Variants in CAST observed in about 807,000 individuals in gnomAD.
The protein encoded by CAST is MIR583 host.
Under a neutral mutation model 119.6 loss-of-function variants are expected in CAST, and 76 were observed. The ratio of observed to expected loss-of-function variants is 0.64; its 90% CI spans 0.53 to 0.77. The LOEUF is 0.77. Among genes scored for constraint, CAST ranks in the 30% least tolerant of loss-of-function variants. CAST has a pLI of 0.00. For synonymous variants in CAST, 319 were observed against 331.6 expected (o/e 0.96, Z 0.41); for missense variants, 953 against 946.5 (o/e 1.01, Z -0.09).
chr5:96,097,323 C>T, the CAST span, among the ~76,000 whole-genome samples: 1 of 144,042 alleles, frequency 6.9e-6, no homozygotes, highest in Non-Finnish European at 1.5e-5. Context: ...AGGATGAGCT[C>T]AAAGTCTTTT....
chr5:96,247,477 C>T, the CAST span, among the ~76,000 whole-genome samples: 6 of 152,262 alleles, frequency 3.9e-5, no homozygotes, highest in Non-Finnish European at 5.9e-5. Context: ...TAGCACCAAA[C>T]TTGGAGTGAG....
At chr5:96,422,883 G>C in the CAST span, among the ~76,000 whole-genome samples, 2 of 148,914 alleles carry the variant, frequency 1.3e-5, no homozygotes, top group Non-Finnish European at 2.9e-5. Context: ...ATTCACTTTG[G>C]ATTTGCATGG....
chr5:96,491,487 T>A, the CAST span, among the ~76,000 whole-genome samples: 160 of 13,132 alleles, frequency 0.012, 4 homozygotes, highest in Non-Finnish European at 0.023. Flanking sequence ...CGAGACTCCA[T>A]CTCAAAAAAA....
chr5:96,423,533 C>T, the CAST span: 1 of 1,311,314 alleles, frequency 7.6e-7, no homozygotes, highest in South Asian at 1.2e-5. Flanking sequence ...TCAGTTCCAA[C>T]CTGGAGACCC....
intron 3 of CAST, among the ~76,000 whole-genome samples, chr5:96,702,177 T>C (rs1753987678): frequency 6.6e-6 from 1 of 152,186 alleles, no homozygotes; most frequent in African/African-American, 2.4e-5. Context: ...CGGCTTTTCA[T>C]TTATTTTAAA....
chr5:96,181,335 G>C, the CAST span, among the ~76,000 whole-genome samples: 2 of 152,168 alleles, frequency 1.3e-5, no homozygotes, highest in South Asian at 4.1e-4. Context: ...GTCAAATCCT[G>C]GGGAGATTCC....
At chr5:96,488,064 TATC>T in the CAST span, among the ~76,000 whole-genome samples, 4 of 152,196 alleles carry the variant, frequency 2.6e-5, no homozygotes, top group South Asian at 2.1e-4. Context: ...TGGCTAAAAA[TATC>T]ATCTGTTACT....
chr5:96,141,994 A>G, the CAST span, among the ~76,000 whole-genome samples: 1 of 152,256 alleles, frequency 6.6e-6, no homozygotes, highest in African/African-American at 2.4e-5. Flanking sequence ...CTGTGGTTAC[A>G]AGTTCATTCC....
chr5:96,669,035 G>T lies in CAST; in HGVS notation c.76-6504G>T, dbSNP rs1028134051. 2.0e-5 allele frequency among the ~76,000 whole-genome samples: 3 copies of T among 152,190 alleles called. No homozygotes were observed. The South Asian group carries it at 6.2e-4, about 32-fold the overall frequency. On this transcript the variant is annotated intron_variant, in intron 1 of 31. Transcript: ENST00000675179. ...CCACCACCTCTAGTCTCCTGGCAGCGCCTGCTGTTGGCTAAACCCAACTTG... is the reference window on the plus strand; with the variant it reads ...CCACCACCTCTAGTCTCCTGGCAGCTCCTGCTGTTGGCTAAACCCAACTTG...
the CAST span, among the ~76,000 whole-genome samples, chr5:96,051,146 A>AG: frequency 6.6e-6 from 1 of 152,082 alleles, no homozygotes; most frequent in Non-Finnish European, 1.5e-5. Context: ...CTGCTTGGTA[A>AG]GGGGAAATAA....
intron 3 of CAST, among the ~76,000 whole-genome samples, chr5:96,717,990 G>A (rs1305974803): frequency 6.6e-6 from 1 of 152,182 alleles, no homozygotes; most frequent in East Asian, 1.9e-4. Context: ...CCAGGTATGG[G>A]TGATAGGTGA....
the CAST span, among the ~76,000 whole-genome samples, chr5:96,375,932 T>A: frequency 6.9e-6 from 1 of 145,354 alleles, no homozygotes; most frequent in African/African-American, 2.6e-5. Flanking sequence ...AATATAAATA[T>A]ATATAAATAT....
the CAST span, among the ~76,000 whole-genome samples, chr5:96,359,837 C>T: frequency 1.3e-5 from 2 of 152,074 alleles, no homozygotes; most frequent in Non-Finnish European, 2.9e-5. Context: ...CGAAGAGTAA[C>T]TTTGTGGCGT....
chr5:96,212,064 T>C, the CAST span, among the ~76,000 whole-genome samples: 52 of 152,278 alleles, frequency 3.4e-4, 1 homozygote, highest in African/African-American at 1.1e-3. Context: ...GTAATTGATC[T>C]TCTCAAAGGG....
the CAST span, among the ~76,000 whole-genome samples, chr5:96,337,713 A>G: frequency 1.3e-5 from 2 of 152,200 alleles, no homozygotes; most frequent in African/African-American, 4.8e-5. Context: ...TCCAAGTTCA[A>G]AGCTGGACTG....
intron 1 of CAST, among the ~76,000 whole-genome samples, chr5:96,618,605 G>A (rs2607156): frequency 0.72 from 110,305 of 152,196 alleles, 40,437 homozygotes; most frequent in African/African-American, 0.83. Context: ...TCGCATTCGG[G>A]GCAGCGGGCT....
At position 96,771,550 on chromosome 5, in the gene CAST, A is replaced by C. The variant is rs903757861; in HGVS notation, c.2341-94A>C. The C allele has an allele frequency of 4.8e-5, 40 of 835,230 alleles. No homozygotes were observed. The Middle Eastern group carries it at 1.4e-3, about 29-fold the overall frequency. The allele number at this position is 835,230 out of a possible 1,614,324, so 51.7% of individuals were successfully genotyped here. A position where few individuals can be genotyped will look rare whatever the true frequency, so the allele number is the denominator to read the frequency against. ...AGGACCATCTTATTTTTCCCCACTG[A>C]CTGCCATCTTTTGTCCCCTAATTCT... On this transcript the variant is annotated intron_variant, in intron 30 of 31. Coordinates refer to ENST00000675179, the MANE Select transcript of CAST (RefSeq NM_001750.7).
chr5:96,528,616 C>A (rs1395149050), upstream of CAST, among the ~76,000 whole-genome samples: 1 of 152,138 alleles, frequency 6.6e-6, no homozygotes, highest in Admixed American at 6.5e-5. Context: ...TGTGATAAGA[C>A]AAGATCTGAT....
At chr5:96,524,788 C>G (rs1041171606), upstream of CAST, among the ~76,000 whole-genome samples, 1 of 152,194 alleles carries the variant, frequency 6.6e-6, no homozygotes, top group East Asian at 1.9e-4. Context: ...CACAGGCAGA[C>G]AGAAGCTTAG....
Sources: allele counts gnomAD v4.1 joint callset (sites outside exome capture counted in the v4.1 genomes callset), GRCh38; gene constraint gnomAD v4.1.1; transcripts MANE v1.5; gene names NCBI Gene and HGNC (gene_info 2026-07-23, HGNC 2026-07-21).